The following RPTOR variants were observed in gnomAD, a reference collection of about 807,000 sequenced individuals.
RPTOR encodes the protein regulatory-associated protein of mTOR.
RPTOR carries 21 observed loss-of-function variants against 169.9 expected under a neutral mutation model. The observed-to-expected ratio is 0.12, with a 90% confidence interval of 0.09 to 0.18. RPTOR has a LOEUF of 0.18. Among genes scored for constraint, RPTOR ranks in the 10% least tolerant of loss-of-function variants. RPTOR has a pLI of 1.00. For missense variants in RPTOR, 1,133 were observed against 1,855.9 expected (o/e 0.61, Z 7.16); for synonymous variants, 732 against 753.2 (o/e 0.97, Z 0.46).
In RPTOR at chr17:80,883,870, C is replaced by T; in HGVS notation, c.1740C>T (p.Cys580=). The part of the protein sequence containing the change: ...HPLLRQWVAI[C]LGRIWQNFDS... Reference sequence around the variant, plus strand: ...TGCTGCGCCAGTGGGTGGCCATCTGCCTCGGCAGGATCTGGCAGAACTTCG... The same window carrying T: ...TGCTGCGCCAGTGGGTGGCCATCTGTCTCGGCAGGATCTGGCAGAACTTCG... Residue 580 remains cysteine (C), a synonymous_variant, in exon 16 of 34, where the codon TGC becomes TGT. Coordinates refer to ENST00000306801, the MANE Select transcript of RPTOR (RefSeq NM_020761.3). 6.2e-7 allele frequency: 1 copy of T among 1,613,734 alleles called. No homozygotes were observed.
intron 10 of RPTOR, among the ~76,000 whole-genome samples, chr17:80,840,719 C>A (rs1357025049): frequency 7.6e-6 from 1 of 131,380 alleles, no homozygotes; most frequent in Non-Finnish European, 1.6e-5. Flanking sequence ...TCACACCACA[C>A]GGCAGCTCAC....
chr17:80,940,899 A>T (rs934158508), intron 25 of RPTOR, among the ~76,000 whole-genome samples: 1 of 152,172 alleles, frequency 6.6e-6, no homozygotes, highest in African/African-American at 2.4e-5. Flanking sequence ...TTCCTCTGCA[A>T]GGGCAGCCCT....
In RPTOR at chr17:80,960,731, G is replaced by A. The variant is rs527810554; in HGVS notation, c.3605+526G>A. The A allele has an allele frequency of 1.1e-5, 2 of 175,164 alleles. No individual in the cohort carries two copies. The highest frequency in any genetic ancestry group is 2.9e-4 in the East Asian group (2 of 6,882). The allele number at this position is 175,164 out of a possible 1,614,324, so 10.9% of individuals were successfully genotyped here. On this transcript the variant is annotated intron_variant, in intron 30 of 33. Coordinates refer to ENST00000306801, the MANE Select transcript of RPTOR (RefSeq NM_020761.3). This position sits in a 1 kb window ranked among gnomAD's most constrained non-coding sequence, Gnocchi z 4.8. The stretch of plus-strand genomic sequence containing the variant: ...GTACACGCATGGGCACAGCAGCCCT[G>A]GGCACTGCCTCCACTGAGCACCCCT...
At chr17:80,837,488 C>G (rs751882448) in intron 9 of RPTOR, among the ~76,000 whole-genome samples, 1 of 152,230 alleles carries the variant, frequency 6.6e-6, no homozygotes, top group African/African-American at 2.4e-5. Flanking sequence ...GCCCTGGTGT[C>G]TCTCCCGCGT....
At chr17:80,787,563 A>G (rs1434515805) in intron 6 of RPTOR, among the ~76,000 whole-genome samples, 1 of 152,240 alleles carries the variant, frequency 6.6e-6, no homozygotes, top group African/African-American at 2.4e-5. Flanking sequence ...ATCATAGTGT[A>G]TAGGAACATT....
intron 1 of RPTOR, among the ~76,000 whole-genome samples, chr17:80,565,330 A>G (rs2084567641): frequency 6.6e-6 from 1 of 152,232 alleles, no homozygotes; most frequent in African/African-American, 2.4e-5. Context: ...TGGTGGAATA[A>G]GGAGCTTGGT....
intron 23 of RPTOR, chr17:80,924,053 G>A (rs989530093): frequency 4.6e-5 from 13 of 285,020 alleles, no homozygotes; most frequent in Non-Finnish European, 6.6e-5. Context: ...AGCACTCTGC[G>A]TCCGCTTGGG....
chr17:80,576,199 A>G (rs904132329), intron 1 of RPTOR, among the ~76,000 whole-genome samples: 1 of 152,220 alleles, frequency 6.6e-6, no homozygotes. Context: ...ACTTACAGCC[A>G]TTGGGGCCTA....
intron 24 of RPTOR, 76 bp downstream of exon 24, chr17:80,925,556 T>C (rs2068802069): frequency 8.3e-7 from 1 of 1,206,644 alleles, no homozygotes; most frequent in Non-Finnish European, 1.2e-6. Flanking sequence ...GCATAAACGC[T>C]CAAGGCTTGT....
At chr17:80,817,404 A>G (rs556841284) in intron 7 of RPTOR, among the ~76,000 whole-genome samples, 2 of 151,628 alleles carry the variant, frequency 1.3e-5, no homozygotes, top group South Asian at 4.2e-4. Flanking sequence ...CGGCCACCCC[A>G]TGGGGAGGAG....
chr17:80,737,301 G>A (rs184056178), intron 5 of RPTOR, among the ~76,000 whole-genome samples: 27 of 152,326 alleles, frequency 1.8e-4, no homozygotes, highest in Non-Finnish European at 3.5e-4. Context: ...CTGCGCTGGG[G>A]ACTCATGGAT....
chr17:80,833,677 G>A (rs866113171), intron 9 of RPTOR, among the ~76,000 whole-genome samples: 5 of 152,184 alleles, frequency 3.3e-5, no homozygotes, highest in Non-Finnish European at 5.9e-5. Flanking sequence ...AGAGAATACC[G>A]TTGTTCTGCT....
At chr17:80,583,368 T>C in intron 1 of RPTOR, among the ~76,000 whole-genome samples, 1 of 152,062 alleles carries the variant, frequency 6.6e-6, no homozygotes. Flanking sequence ...TTTTTCTACA[T>C]TTAGTAGAGA....
At chr17:80,777,314 A>G (rs746950463) in intron 6 of RPTOR, among the ~76,000 whole-genome samples, 2 of 152,044 alleles carry the variant, frequency 1.3e-5, no homozygotes, top group Non-Finnish European at 2.9e-5. Context: ...GGTCATCTGG[A>G]TAGTAAAGAT....
At chr17:80,778,954 T>C (rs984704626) in intron 6 of RPTOR, among the ~76,000 whole-genome samples, 2 of 152,210 alleles carry the variant, frequency 1.3e-5, no homozygotes, top group African/African-American at 4.8e-5. Context: ...CAAACATCTG[T>C]GTGCTGGCAT....
rs145191087 is a variant in RPTOR at position 80,689,700 on chromosome 17, T to A, written c.349-18141T>A. Among the ~76,000 whole-genome samples, 360 of 152,360 alleles carry A rather than the reference T, an allele frequency of 2.4e-3. 2 individuals carry two copies. Among genetic ancestry groups the A allele is most frequent in the African/African-American group, 8.3e-3 (344 of 41,586 alleles). ...TTTGTCTATAAGACTGGAGAAGATCTTTCTGAGACATATCACTATCAGTGT... is the reference window on the plus strand; with the variant it reads ...TTTGTCTATAAGACTGGAGAAGATCATTCTGAGACATATCACTATCAGTGT... On this transcript the variant is annotated intron_variant, in intron 3 of 33. Coordinates refer to ENST00000306801, the MANE Select transcript of RPTOR (RefSeq NM_020761.3).
intron 17 of RPTOR, among the ~76,000 whole-genome samples, chr17:80,890,395 A>G (rs113129464): frequency 0.018 from 2,722 of 152,316 alleles, 93 homozygotes; most frequent in African/African-American, 0.062. Context: ...CCTCTTGCAC[A>G]GGGAAGGCAG....
intron 21 of RPTOR, among the ~76,000 whole-genome samples, chr17:80,921,590 A>C (rs9902459): frequency 0.58 from 88,003 of 152,104 alleles, 25,866 homozygotes; most frequent in African/African-American, 0.67. Context: ...TTTAAAAAAT[A>C]AAAGCAAAAC....
chr17:80,935,167 GA>G (rs1311904780), intron 24 of RPTOR, among the ~76,000 whole-genome samples: 1 of 152,036 alleles, frequency 6.6e-6, no homozygotes, highest in African/African-American at 2.4e-5. Flanking sequence ...ATATGTGAAA[GA>G]TATGTATTCT....
Sources: gnomAD v4.1 joint callset for allele counts (sites outside exome capture counted in the v4.1 genomes callset) on GRCh38, gnomAD v4.1.1 for gene constraint, Gnocchi (gnomAD v3.1) non-coding constraint, MANE v1.5 for transcripts, NCBI Gene and HGNC (gene_info 2026-07-23, HGNC 2026-07-21) for gene names.